Variants in VWA3B observed in about 807,000 individuals in gnomAD.
VWA3B encodes von Willebrand factor A domain-containing protein 3B.
Under a neutral mutation model 158.3 loss-of-function variants are expected in VWA3B, and 138 were observed. The ratio of observed to expected loss-of-function variants is 0.87; its 90% CI spans 0.76 to 1.00. The LOEUF is 1.00. Ranked by LOEUF, VWA3B falls within the 50% of genes least tolerant of loss-of-function variation. The pLI is 0.00. For synonymous variants in VWA3B, 596 were observed against 587.3 expected (o/e 1.01, Z -0.21); for missense variants, 1,555 against 1,565.1 (o/e 0.99, Z 0.11).
At chr2:98,220,180 A>AG (rs1244711964) in intron 14 of VWA3B, among the ~76,000 whole-genome samples, 2 of 151,396 alleles carry the variant, frequency 1.3e-5, no homozygotes, top group Non-Finnish European at 2.9e-5. Context: ...AAAAAAAAAA[A>AG]AAAAAAAGAT....
At chr2:98,280,614 C>T (rs927046596) in intron 22 of VWA3B, among the ~76,000 whole-genome samples, 3 of 152,232 alleles carry the variant, frequency 2.0e-5, no homozygotes, top group Non-Finnish European at 2.9e-5. Context: ...CTCACCAGGC[C>T]TGTGCCGGGC....
At chr2:98,129,604 A>G (rs1675698770) in intron 6 of VWA3B, among the ~76,000 whole-genome samples, 1 of 152,078 alleles carries the variant, frequency 6.6e-6, no homozygotes, top group Non-Finnish European at 1.5e-5. Context: ...TATCTTTTCA[A>G]TGGCAGTAGG....
At chr2:98,265,829 G>A (rs1316382129) in intron 21 of VWA3B, among the ~76,000 whole-genome samples, 129 of 139,534 alleles carry the variant, frequency 9.2e-4, no homozygotes, top group East Asian at 6.6e-3. Context: ...TTTTTTGGCT[G>A]CATAAATGTC....
At chr2:98,248,603 G>A (rs1007738509) in intron 19 of VWA3B, among the ~76,000 whole-genome samples, 8 of 152,068 alleles carry the variant, frequency 5.3e-5, no homozygotes, top group African/African-American at 1.2e-4. Flanking sequence ...CAATGCTGAC[G>A]TCAGGCATTG....
chr2:98,111,229 A>G (rs1674110143), intron 2 of VWA3B, among the ~76,000 whole-genome samples: 1 of 152,228 alleles, frequency 6.6e-6, no homozygotes, highest in African/African-American at 2.4e-5. Context: ...TTCATTAAGA[A>G]TAATGGCCTC....
At chr2:98,180,512 G>C (rs1179768913) in intron 8 of VWA3B, among the ~76,000 whole-genome samples, 1 of 152,220 alleles carries the variant, frequency 6.6e-6, no homozygotes, top group Non-Finnish European at 1.5e-5. Context: ...TTTCTCACTG[G>C]ATTGCTGCAG....
At chr2:98,280,584 A>G (rs1171515188) in intron 22 of VWA3B, among the ~76,000 whole-genome samples, 1 of 152,218 alleles carries the variant, frequency 6.6e-6, no homozygotes, top group African/African-American at 2.4e-5. Flanking sequence ...ACCAGCTGGG[A>G]TGAGGCTGAG....
At chr2:98,196,754 AG>A (rs1270536361) in intron 12 of VWA3B, among the ~76,000 whole-genome samples, 1 of 152,192 alleles carries the variant, frequency 6.6e-6, no homozygotes, top group Non-Finnish European at 1.5e-5. Flanking sequence ...ATGGGCTCAG[AG>A]GGAAGAGTTG....
At chr2:98,106,001 C>A (rs1238579742) in intron 2 of VWA3B, among the ~76,000 whole-genome samples, 5 of 151,886 alleles carry the variant, frequency 3.3e-5, no homozygotes, top group African/African-American at 1.2e-4. Flanking sequence ...CTGCAAGATC[C>A]GCCTCCCAGG....
chr2:98,189,135 G>A (rs112370469), intron 10 of VWA3B, among the ~76,000 whole-genome samples: 4 of 152,106 alleles, frequency 2.6e-5, no homozygotes, highest in Admixed American at 6.5e-5. Context: ...TAGGCTGGGC[G>A]CAGTGATTCA....
intron 2 of VWA3B, among the ~76,000 whole-genome samples, chr2:98,103,210 G>C (rs1186148737): frequency 6.6e-5 from 10 of 152,010 alleles, no homozygotes; most frequent in Non-Finnish European, 2.9e-5. Flanking sequence ...CTTGTTAGCA[G>C]TATATAATAA....
intron 12 of VWA3B, chr2:98,207,489 G>T: frequency 2.0e-6 from 1 of 506,138 alleles, no homozygotes. Flanking sequence ...AACTTTCTGA[G>T]GAAGACAAGT....
At chr2:98,114,980 G>C (rs10204161) in intron 2 of VWA3B, among the ~76,000 whole-genome samples, 1 of 152,122 alleles carries the variant, frequency 6.6e-6, no homozygotes, top group Non-Finnish European at 1.5e-5. Context: ...ATCTGTGACC[G>C]GCTGGCTTTA....
At chr2:98,135,459 C>G (rs1676208429) in intron 7 of VWA3B, among the ~76,000 whole-genome samples, 1 of 147,500 alleles carries the variant, frequency 6.8e-6, no homozygotes, top group African/African-American at 2.5e-5. Flanking sequence ...CCTCAGCCTC[C>G]CGAGTAGCTG....
intron 14 of VWA3B, among the ~76,000 whole-genome samples, chr2:98,219,424 A>AT (rs1234046908): frequency 4.6e-5 from 7 of 152,230 alleles, no homozygotes; most frequent in Non-Finnish European, 1.0e-4. Context: ...GAGAATTCAA[A>AT]TAAAAAAAAC....
chr2:98,108,630 C>T (rs1409759079), intron 2 of VWA3B, among the ~76,000 whole-genome samples: 10 of 152,026 alleles, frequency 6.6e-5, no homozygotes, highest in Non-Finnish European at 1.3e-4. Context: ...ATATTCTTTG[C>T]TATGAAGTTT....
chr2:98,124,410 A>G (rs1329098577), intron 5 of VWA3B, among the ~76,000 whole-genome samples: 1 of 152,216 alleles, frequency 6.6e-6, no homozygotes, highest in Admixed American at 6.5e-5. Flanking sequence ...AGGTGGGGAC[A>G]GAGACCCTGA....
At chr2:98,094,443 A>C (rs1682576305) in intron 2 of VWA3B, among the ~76,000 whole-genome samples, 1 of 152,122 alleles carries the variant, frequency 6.6e-6, no homozygotes, top group East Asian at 1.9e-4. Context: ...ATTTTGAGAA[A>C]TGTCTATTCA....
intron 22 of VWA3B, among the ~76,000 whole-genome samples, chr2:98,272,989 C>G (rs1688300303): frequency 6.6e-6 from 1 of 152,156 alleles, no homozygotes; most frequent in African/African-American, 2.4e-5. Context: ...AATCTTGGAC[C>G]TCCCAGCTTC....
Sources: allele counts gnomAD v4.1 joint callset (sites outside exome capture counted in the v4.1 genomes callset), GRCh38; gene constraint gnomAD v4.1.1; transcripts MANE v1.5; gene names NCBI Gene and HGNC (gene_info 2026-07-23, HGNC 2026-07-21).